Variants in KANK1 observed in about 807,000 individuals in gnomAD.
KANK1 encodes the protein KN motif and ankyrin repeat domains 1, also known as KN motif and ankyrin repeat domain-containing protein 1.
A neutral mutation model predicts 106.2 loss-of-function variants in KANK1; 109 were observed. The observed-to-expected ratio is 1.03, with a 90% CI of 0.88 to 1.20. The LOEUF (loss-of-function observed/expected upper bound fraction) is 1.20. Ranked by LOEUF, KANK1 falls within the 50% of genes most tolerant of loss-of-function variation. The probability of loss-of-function intolerance (pLI) is 0.00; values close to 1 mark genes in which losing one functional copy is unlikely to be tolerated. For missense variants in KANK1, 2,399 were observed against 1,710.7 expected (o/e 1.40, Z -7.10); for synonymous variants, 873 against 652.2 (o/e 1.34, Z -5.16).
chr9:739,366 A>T (rs1178876452), intron 8 of KANK1, among the ~76,000 whole-genome samples: 1 of 152,212 alleles, frequency 6.6e-6, no homozygotes, highest in African/African-American at 2.4e-5. Context: ...AATTTTCTGA[A>T]ATTCTGTCTT....
Position 676,934 on chromosome 9 carries a change from C to T in KANK1, c.-39C>T. 2.5e-6 allele frequency: 4 copies of T among 1,598,986 alleles called. No individual in the cohort carries two copies. The highest frequency in any genetic ancestry group is 3.4e-6 in the Non-Finnish European group (4 of 1,168,458). The stretch of plus-strand genomic sequence containing the variant: ...TTGATGCATAAAATTTGCATGACTC[C>T]TCACTCCTTTCTGGATCTCTCATTG... On this transcript the variant is annotated 5_prime_UTR_variant, in exon 2 of 12. Transcript: ENST00000382297.
chr9:608,125 C>T (rs932767176), intron 1 of KANK1, among the ~76,000 whole-genome samples: 1 of 146,378 alleles, frequency 6.8e-6, no homozygotes, highest in African/African-American at 2.6e-5. Flanking sequence ...GCAAGCTCCG[C>T]TTCCCGGGTT....
chr9:712,078 G>A lies in KANK1; in HGVS notation c.1312G>A (p.Val438Ile). ...ACTTGTTGAGATGAGAAATTGTGGG[G>A]TCAGCGTGACAGAGGCCATGCTTGG... The part of the protein sequence containing the change: ...GTLVEMRNCG[V>I]SVTEAMLGVM... Residue 438 changes from valine (V) to isoleucine (I), a missense_variant, in exon 3 of 12, where the codon GTC becomes ATC. Transcript: ENST00000382297. 6.2e-7 allele frequency: 1 copy of A among 1,614,176 alleles called. No homozygotes were observed. The highest frequency in any genetic ancestry group is 8.5e-7 in the Non-Finnish European group (1 of 1,180,038).
Position 635,889 on chromosome 9 carries a change from G to A in KANK1, c.-83-41001G>A, listed in dbSNP as rs1305022372. Among the ~76,000 whole-genome samples the A allele has an allele frequency of 9.2e-5, 14 of 151,800 alleles. No individual in the cohort carries two copies. The East Asian group carries it at 2.1e-3, about 23-fold the overall frequency. On this transcript the variant is annotated intron_variant, in intron 1 of 11. Transcript: ENST00000382297. The stretch of plus-strand genomic sequence containing the variant: ...CAGGTTTCACTTTATTGGTCAGACT[G>A]GTCTTGAACTCCTGGCCTCAGGTGA...
intron 1 of KANK1, among the ~76,000 whole-genome samples, chr9:603,575 T>C (rs1001809710): frequency 6.6e-6 from 1 of 151,866 alleles, no homozygotes. Flanking sequence ...ATCATCTTTT[T>C]CCTTACCTTT....
rs1835998498 is a variant in KANK1, at chr9:742,734, T to G, written c.3897+329T>G. Among the ~76,000 whole-genome samples, 3 of 152,168 alleles carry G rather than the reference T, an allele frequency of 2.0e-5. No homozygotes were observed. The South Asian group carries it at 6.2e-4, about 32-fold the overall frequency. Reference sequence around the variant, plus strand: ...ATTTGCACTGCAGAATCAAATTCAGTGTAGGTGACTTCTGACAGGTGCACT... The same window carrying G: ...ATTTGCACTGCAGAATCAAATTCAGGGTAGGTGACTTCTGACAGGTGCACT... On this transcript the variant is annotated intron_variant, in intron 10 of 11. Transcript: ENST00000382297.
intron 1 of KANK1, among the ~76,000 whole-genome samples, chr9:611,801 C>T (rs1274880082): frequency 1.3e-5 from 2 of 152,172 alleles, no homozygotes; most frequent in African/African-American, 2.4e-5. Flanking sequence ...TCACTGCAAC[C>T]TCCGCCTCCC....
chr9:555,379 T>C (rs2061520768), intron 1 of KANK1, among the ~76,000 whole-genome samples: 1 of 149,534 alleles, frequency 6.7e-6, no homozygotes, highest in Non-Finnish European at 1.5e-5. Flanking sequence ...ATGTGCAAAC[T>C]GTGCAGTGTC....
chr9:513,383 G>A (rs553368467), intron 1 of KANK1, among the ~76,000 whole-genome samples: 16 of 152,322 alleles, frequency 1.1e-4, no homozygotes, highest in African/African-American at 3.6e-4. Flanking sequence ...ATTGGAAACA[G>A]AGTGTCAGGA....
chr9:667,455 G>A (rs1844899236), intron 1 of KANK1, among the ~76,000 whole-genome samples: 1 of 151,460 alleles, frequency 6.6e-6, no homozygotes, highest in Admixed American at 6.6e-5. Flanking sequence ...GTAAATTTGG[G>A]TTTGGCTTGG....
intron 2 of KANK1, among the ~76,000 whole-genome samples, chr9:694,964 C>G (rs1820878805): frequency 6.6e-6 from 1 of 152,128 alleles, no homozygotes; most frequent in African/African-American, 2.4e-5. Context: ...TGTATCAAGT[C>G]TAGTCGACAG....
At chr9:507,105 C>G (rs990396753) in intron 1 of KANK1, among the ~76,000 whole-genome samples, 1 of 150,898 alleles carries the variant, frequency 6.6e-6, no homozygotes, top group Admixed American at 6.6e-5. Flanking sequence ...AGTTTTAGGC[C>G]TGTTGCATGG....
intron 8 of KANK1, 60 bp downstream of exon 8, chr9:738,564 C>T: frequency 7.3e-7 from 1 of 1,362,146 alleles, no homozygotes; most frequent in South Asian, 1.2e-5. Flanking sequence ...TGACTCATCT[C>T]AGAGAACCTG....
chr9:596,645 A>G (rs894062377), intron 1 of KANK1, among the ~76,000 whole-genome samples: 4 of 151,852 alleles, frequency 2.6e-5, no homozygotes, highest in Non-Finnish European at 4.4e-5. Flanking sequence ...ATGTCATGGT[A>G]AAGTAATGAA....
chr9:544,114 A>G (rs2060782576), intron 1 of KANK1, among the ~76,000 whole-genome samples: 1 of 151,694 alleles, frequency 6.6e-6, no homozygotes, highest in Non-Finnish European at 1.5e-5. Flanking sequence ...TCCATCTCCT[A>G]GGCTCAAGTG....
chr9:736,064 TCTC>T (rs1291538240), intron 7 of KANK1, among the ~76,000 whole-genome samples: 2 of 152,082 alleles, frequency 1.3e-5, no homozygotes, highest in African/African-American at 4.8e-5. Context: ...TTCGGGCCAT[TCTC>T]CTGCCTCACC....
At chr9:665,129 G>A (rs547624265) in intron 1 of KANK1, among the ~76,000 whole-genome samples, 2 of 152,202 alleles carry the variant, frequency 1.3e-5, no homozygotes, top group Admixed American at 6.5e-5. Flanking sequence ...TCTTCACCTT[G>A]TTTGAGTGTT....
chr9:484,643 A>G (rs773658867), intron 3 of KANK1, among the ~76,000 whole-genome samples: 2 of 152,238 alleles, frequency 1.3e-5, no homozygotes, highest in Non-Finnish European at 2.9e-5. Flanking sequence ...GATAAAAGAT[A>G]TAAAGTGACC....
At chr9:738,651 C>T (rs1052517962) in intron 8 of KANK1, 147 bp downstream of exon 8, 8 of 665,576 alleles carry the variant, frequency 1.2e-5, no homozygotes, top group South Asian at 1.1e-4. Context: ...CAAGAATTTT[C>T]TTGAGTCATT....
Sources: allele counts gnomAD v4.1 joint callset (sites outside exome capture counted in the v4.1 genomes callset), GRCh38; gene constraint gnomAD v4.1.1; transcripts MANE v1.5; gene names NCBI Gene and HGNC (gene_info 2026-07-23, HGNC 2026-07-21).